ABCA3: variants seen among roughly 807,000 people sequenced by gnomAD.
The protein encoded by ABCA3 is phospholipid-transporting ATPase ABCA3.
A neutral mutation model predicts 172.8 loss-of-function variants in ABCA3; 88 were observed. The ratio of observed to expected loss-of-function variants is 0.51; its 90% CI spans 0.43 to 0.61. The LOEUF is 0.61. Ranked by LOEUF, ABCA3 falls within the 20% of genes least tolerant of loss-of-function variation. The pLI, the probability that ABCA3 is intolerant of heterozygous loss-of-function variation, is 0.00. For synonymous variants in ABCA3, 1,066 were observed against 983.8 expected, an observed-to-expected ratio of 1.08 and a Z score of -1.56; for missense variants, 2,164 against 2,301.0, an observed-to-expected ratio of 0.94 and a Z score of 1.22.
rs561291059 is a variant in ABCA3 at position 2,317,565 on chromosome 16, C to A, written c.990+83G>T. On this transcript the variant is annotated intron_variant, in intron 9 of 32. Coordinates refer to ENST00000301732, the MANE Select transcript of ABCA3 (RefSeq NM_001089.3). ...ACAGACTCTCTCTGAAGTCTCTGAC[C>A]ACAAAGTTCTTCCCAAGAGGGCCCT... The A allele has an allele frequency of 1.0e-5, 16 of 1,589,434 alleles. No homozygotes were observed. In the Admixed American group the frequency reaches 2.0e-4, roughly 20 times the overall value.
At chr16:2,304,711 T>C (rs1346143071) in intron 11 of ABCA3, among the ~76,000 whole-genome samples, 1 of 145,988 alleles carries the variant, frequency 6.8e-6, no homozygotes, top group Non-Finnish European at 1.5e-5. Context: ...AGTCTTGCTC[T>C]GTCTCCCAGG....
chr16:2,281,635 A>C lies in ABCA3; in HGVS notation c.4036-126T>G. ...TAAGGCCTTCAAGGCTTCTCGTCCCAATCTCAGGCCCCACAGGTGCGACTC... is the reference window on the plus strand; with the variant it reads ...TAAGGCCTTCAAGGCTTCTCGTCCCCATCTCAGGCCCCACAGGTGCGACTC... On this transcript the variant is annotated intron_variant, in intron 26 of 32. Transcript: ENST00000301732. This position sits in a 1 kb window ranked among gnomAD's most constrained non-coding sequence, Gnocchi z 4.7. 1.6e-6 allele frequency: 2 copies of C among 1,217,926 alleles called. No homozygotes were observed. Among genetic ancestry groups the C allele is most frequent in the Non-Finnish European group, 2.4e-6 (2 of 849,954 alleles). The allele number at this position is 1,217,926 out of a possible 1,614,324, so 75.4% of individuals were successfully genotyped here.
chr16:2,301,230 C>CA lies in ABCA3; in HGVS notation c.1468-1083dup, dbSNP rs1224083489. Among the ~76,000 whole-genome samples, 305 of 97,008 alleles carry CA rather than the reference C, an allele frequency of 3.1e-3. 2 individuals carry two copies. The highest frequency in any genetic ancestry group is 0.021 in the Middle Eastern group (3 of 140). 63.6% of individuals were successfully genotyped at this position (97,008 alleles called of 152,430 possible). On this transcript the variant is annotated intron_variant, in intron 12 of 32. Coordinates refer to ENST00000301732, the MANE Select transcript of ABCA3 (RefSeq NM_001089.3). ...TGGGCGACAGAGCGAGACTCCGTCT[C>CA]AAAAAAAAAAAAAAAATCAGAATGC...
Position 2,286,544 on chromosome 16 carries a change from G to C in ABCA3, c.3278+150C>G. On this transcript the variant is annotated intron_variant, in intron 22 of 32. Transcript: ENST00000301732. The surrounding 1 kb of genome is among the most constrained non-coding windows in gnomAD (Gnocchi z 5.2). The stretch of plus-strand genomic sequence containing the variant: ...TCACAGGGAGTTGGGGCTGTGGATG[G>C]TGGAGGAGGATGTGGCAGGGGTTTC... 1 of 1,056,466 alleles carries C rather than the reference G, an allele frequency of 9.5e-7. No homozygotes were observed. Among genetic ancestry groups the C allele is most frequent in the Admixed American group, 2.3e-5 (1 of 44,434 alleles). The allele number at this position is 1,056,466 out of a possible 1,614,324, so 65.4% of individuals were successfully genotyped here.
At position 2,326,601 on chromosome 16, in the gene ABCA3, T is replaced by C. The variant is rs899299737; in HGVS notation, c.-26-109A>G. 100 of 1,223,552 alleles carry C rather than the reference T, an allele frequency of 8.2e-5. 1 individual carries two copies. The highest frequency in any genetic ancestry group is 1.4e-4 in the Admixed American group (7 of 50,560). 75.8% of individuals were successfully genotyped at this position (1,223,552 alleles called of 1,614,324 possible). A position where few individuals can be genotyped will look rare whatever the true frequency, so the allele number is the denominator to read the frequency against. On this transcript the variant is annotated intron_variant, in intron 3 of 32. Coordinates refer to ENST00000301732, the MANE Select transcript of ABCA3 (RefSeq NM_001089.3). ...TTTCCTCCATGTCTCTCACCTTCTT[T>C]TGTGCCACTTTAACTCCAAACACCC... is the stretch of plus-strand genomic sequence containing the variant.
intron 1 of ABCA3, among the ~76,000 whole-genome samples, chr16:2,335,434 C>G (rs933669652): frequency 6.6e-6 from 1 of 151,934 alleles, no homozygotes; most frequent in African/African-American, 2.4e-5. Context: ...CATGTACCAC[C>G]ACACCTGGCT....
chr16:2,339,706 C>CGACGCCTTCCCGGAGTGCACAGTCCAG (rs1269261840), intron 1 of ABCA3, among the ~76,000 whole-genome samples: 1 of 152,240 alleles, frequency 6.6e-6, no homozygotes, highest in African/African-American at 2.4e-5. Flanking sequence ...AAGATCCAAT[C>CGACGCCTTCCCGGAGTGCACAGTCCAG]GACGCCTTCC....
At chr16:2,282,151 G>C (rs1329805939) in intron 26 of ABCA3, among the ~76,000 whole-genome samples, 1 of 152,126 alleles carries the variant, frequency 6.6e-6, no homozygotes, top group African/African-American at 2.4e-5. Context: ...CCCAGGCTGG[G>C]ATGCAATGGT....
Position 2,276,032 on chromosome 16 carries a change from G to A in ABCA3, c.*642C>T. On this transcript the variant is annotated 3_prime_UTR_variant, in exon 33 of 33. Coordinates refer to ENST00000301732, the MANE Select transcript of ABCA3 (RefSeq NM_001089.3). ...TGGAAACAGAGACTGCTTCGAGCCT[G>A]GCCACCTTCCCTCCTGTGCCGGCTG... The A allele has an allele frequency of 3.6e-6, 1 of 275,672 alleles. No individual in the cohort carries two copies. Among genetic ancestry groups the A allele is most frequent in the East Asian group, 1.1e-4 (1 of 8,792 alleles). The allele number at this position is 275,672 out of a possible 1,614,324, so 17.1% of individuals were successfully genotyped here. A position where few individuals can be genotyped will look rare whatever the true frequency, so the allele number is the denominator to read the frequency against.
intron 9 of ABCA3, 35 bp downstream of exon 9, chr16:2,317,613 C>G: frequency 6.2e-7 from 1 of 1,609,264 alleles, no homozygotes; most frequent in East Asian, 2.2e-5. Context: ...TGGCTCTCCC[C>G]GTCCTCACCA....
intron 1 of ABCA3, among the ~76,000 whole-genome samples, chr16:2,335,507 T>A (rs1182591544): frequency 6.6e-6 from 1 of 152,080 alleles, no homozygotes; most frequent in Non-Finnish European, 1.5e-5. Flanking sequence ...TGGGCTCAAA[T>A]GATCCTCTTG....
In ABCA3 at chr16:2,326,099, G is replaced by C; in HGVS notation, c.230C>G (p.Thr77Ser). Reference sequence around the variant, plus strand: ...AGAAGGGATGTAGGCAAGCTCCCAGGTGTCTCCTGGCGGAGGGAAGGTGAA... The same window carrying C: ...AGAAGGGATGTAGGCAAGCTCCCAGCTGTCTCCTGGCGGAGGGAAGGTGAA... The part of the protein sequence containing the change: ...LFFTFPPPGD[T>S]WELAYIPSHS... The change falls in exon 5 of 33, where the codon ACC becomes AGC. Residue 77 changes from threonine to serine, a missense_variant. Thr to Ser is a moderately conservative substitution (Grantham distance 58). Around this residue, in one of 3 missense-constraint regions of ABCA3, gnomAD observed 1,343 missense variants for 1,369.6 expected, o/e 0.98. Transcript: ENST00000301732. The C allele has an allele frequency of 6.2e-7, 1 of 1,614,136 alleles. No individual in the cohort carries two copies. The highest frequency in any genetic ancestry group is 1.1e-5 in the South Asian group (1 of 91,088).
intron 20 of ABCA3, 108 bp downstream of exon 20, chr16:2,289,326 C>A (rs767244790): frequency 1.4e-6 from 2 of 1,392,024 alleles, no homozygotes; most frequent in African/African-American, 1.4e-5. Context: ...CTGACTCTCC[C>A]GGACCCTGTT....
chr16:2,318,946 T>A (rs976785073), intron 8 of ABCA3, among the ~76,000 whole-genome samples: 1 of 151,636 alleles, frequency 6.6e-6, no homozygotes, highest in Non-Finnish European at 1.5e-5. Flanking sequence ...TGTATCTGCA[T>A]ATGTGCACAC....
intron 2 of ABCA3, 21 bp from the exon 3 acceptor site, chr16:2,328,778 T>C (rs1358420249): frequency 3.9e-6 from 1 of 259,474 alleles, no homozygotes; most frequent in Admixed American, 4.3e-5. Context: ...CCCAACATCA[T>C]CCATCAGCCA....
chr16:2,300,639 A>G (rs1005750162), intron 12 of ABCA3, among the ~76,000 whole-genome samples: 13 of 152,338 alleles, frequency 8.5e-5, no homozygotes, highest in African/African-American at 3.1e-4. Context: ...CTCTGTGGCC[A>G]TCACAGAAAT....
chr16:2,340,337 C>G (rs1187135028), intron 1 of ABCA3, among the ~76,000 whole-genome samples: 1 of 151,938 alleles, frequency 6.6e-6, no homozygotes, highest in African/African-American at 2.4e-5. Context: ...GGATGGGAGC[C>G]GACGCTGAGG....
At position 2,283,110 on chromosome 16, in the gene ABCA3, GC is replaced by G; in HGVS notation, c.4035+75del. 6.8e-7 allele frequency: 1 copy of G among 1,480,694 alleles called. No homozygotes were observed. The highest frequency in any genetic ancestry group is 9.2e-7 in the Non-Finnish European group (1 of 1,081,310). 91.7% of individuals were successfully genotyped at this position (1,480,694 alleles called of 1,614,324 possible). On this transcript the variant is annotated intron_variant, in intron 26 of 32. Transcript: ENST00000301732. This position sits in a 1 kb window ranked among gnomAD's most constrained non-coding sequence, Gnocchi z 5.4. ...GCCTGGTGGAGAAGGAGGTGGAGCT[GC>G]CCCAGGTTGTGCTGGGCCCAAGCAG...
At chr16:2,317,425 C>T (rs777554855) in intron 9 of ABCA3, 22 bp from the exon 10 acceptor site, 19 of 1,612,704 alleles carry the variant, frequency 1.2e-5, no homozygotes, top group East Asian at 4.5e-5. Context: ...AGGCATGAGT[C>T]GGGCGTGGTG....
Sources: allele counts gnomAD v4.1 joint callset (sites outside exome capture counted in the v4.1 genomes callset), GRCh38; gene constraint gnomAD v4.1.1; regional missense constraint gnomAD v4.1.1; non-coding constraint Gnocchi (gnomAD v3.1); transcripts MANE v1.5; gene names NCBI Gene and HGNC (gene_info 2026-07-23, HGNC 2026-07-21).